The following CLRN1 variants were observed in gnomAD, a reference collection of about 807,000 sequenced individuals.
The protein encoded by CLRN1 is clarin 1.
CLRN1 carries 15 observed loss-of-function variants against 18.7 expected under a neutral mutation model. The ratio of observed to expected loss-of-function variants is 0.80; its 90% CI spans 0.54 to 1.23. The LOEUF is 1.23. CLRN1 is among the 50% of genes most tolerant of loss of function. The probability of loss-of-function intolerance (pLI) is 0.00; values close to 1 mark genes in which losing one functional copy is unlikely to be tolerated. For missense variants in CLRN1, 311 were observed against 277.5 expected, an observed-to-expected ratio of 1.12 and a Z score of -0.86; for synonymous variants, 104 against 102.9, an observed-to-expected ratio of 1.01 and a Z score of -0.07.
Position 150,941,629 on chromosome 3 carries a change from T to A in CLRN1, c.386A>T (p.Glu129Val). 6.2e-7 allele frequency: 1 copy of A among 1,614,060 alleles called. No homozygotes were observed. Among genetic ancestry groups the A allele is most frequent in the Non-Finnish European group, 8.5e-7 (1 of 1,179,958 alleles). Reference protein sequence around the residue: ...FMYNAFGKPFETLHGPLGLYL... With the variant: ...FMYNAFGKPFVTLHGPLGLYL... ...CAGCCCTAGGGGACCATGCAGAGTT[T>A]CAAAAGGTTTTCCAAAAGCATTGTA... Residue 129 changes from glutamate (E) to valine (V), a missense_variant, in exon 2 of 3, where the codon GAA (glutamate) becomes GTA (valine). Coordinates refer to ENST00000327047, the MANE Select transcript of CLRN1 (RefSeq NM_174878.3).
At chr3:150,970,045 AG>A (rs1375880098) in intron 1 of CLRN1, among the ~76,000 whole-genome samples, 3 of 152,248 alleles carry the variant, frequency 2.0e-5, no homozygotes, top group Non-Finnish European at 4.4e-5. Context: ...ACAATAAGAA[AG>A]AAGACATTCT....
At chr3:150,958,362 T>C (rs1714856493) in intron 1 of CLRN1, among the ~76,000 whole-genome samples, 1 of 152,236 alleles carries the variant, frequency 6.6e-6, no homozygotes, top group Admixed American at 6.5e-5. Flanking sequence ...AGGAGCCTTA[T>C]GACTGGTCCC....
intron 1 of CLRN1, among the ~76,000 whole-genome samples, chr3:150,968,611 C>A (rs1715375374): frequency 6.6e-6 from 1 of 152,200 alleles, no homozygotes; most frequent in Non-Finnish European, 1.5e-5. Flanking sequence ...CATTGCCAAA[C>A]TATTTTTCTG....
chr3:150,934,739 G>C (rs1335616256), intron 2 of CLRN1, among the ~76,000 whole-genome samples: 4 of 152,100 alleles, frequency 2.6e-5, no homozygotes, highest in Admixed American at 2.0e-4. Context: ...TAAAAACTAT[G>C]AATCTAATTG....
intron 2 of CLRN1, among the ~76,000 whole-genome samples, chr3:150,941,136 C>CTA (rs1713801599): frequency 1.3e-5 from 1 of 76,830 alleles, no homozygotes; most frequent in Non-Finnish European, 2.8e-5. Context: ...GTCTGTCTGT[C>CTA]TGTCTATCTA....
downstream of CLRN1, chr3:150,926,313 C>T (rs940275462): frequency 1.2e-5 from 2 of 165,060 alleles, no homozygotes; most frequent in African/African-American, 2.4e-5. Context: ...TCCAAGAAGA[C>T]AGAGAGGAAT....
rs2107927719 is a variant in CLRN1 at position 150,928,043 on chromosome 3, CA to C, written c.591del (p.Phe197LeufsTer5). 1.2e-6 allele frequency: 2 copies of C among 1,613,976 alleles called. No homozygotes were observed. The highest frequency in any genetic ancestry group is 1.7e-6 in the Non-Finnish European group (2 of 1,179,972). ...ATTAGGAGCCCATTCAGAAAATGAA[CA>C]AAAAAGCAAAAGAAAATGACCCAGA... ...TSFWVIFFCF[F>X]VHFLNGLLIR... is the part of the protein sequence containing the mutation. On this transcript the variant is annotated frameshift_variant, in exon 3 of 3. Coordinates refer to ENST00000327047, the MANE Select transcript of CLRN1 (RefSeq NM_174878.3). LOFTEE classifies it high-confidence loss of function.
chr3:150,964,699 T>C (rs1230028227), intron 1 of CLRN1, among the ~76,000 whole-genome samples: 1 of 152,224 alleles, frequency 6.6e-6, no homozygotes, highest in Non-Finnish European at 1.5e-5. Context: ...ATGTGGCACA[T>C]GTATACCATA....
chr3:150,928,116 T>C lies in CLRN1; in HGVS notation c.519A>G (p.Glu173=). 6.2e-7 allele frequency: 1 copy of C among 1,613,534 alleles called. No homozygotes were observed. Among genetic ancestry groups the C allele is most frequent in the African/African-American group, 1.3e-5 (1 of 74,954 alleles). The change falls in exon 3 of 3, where the codon GAA becomes GAG. Residue 173 remains glutamate, a synonymous_variant. Coordinates refer to ENST00000327047, the MANE Select transcript of CLRN1 (RefSeq NM_174878.3). Reference sequence around the variant, plus strand: ...TTTGCGTTTTGTAGACATAAGTCCCTTCTTTATAATTTGCAATTTTTTCTG... The same window carrying C: ...TTTGCGTTTTGTAGACATAAGTCCCCTCTTTATAATTTGCAATTTTTTCTG... The part of the protein sequence containing the change: ...HLSEKIANYK[E]GTYVYKTQSE...
Position 150,972,689 on chromosome 3 carries a change from T to A in CLRN1, c.20A>T (p.Lys7Ile), listed in dbSNP as rs3796241. The change falls in exon 1 of 3, where the codon AAA becomes ATA. Residue 7 changes from lysine to isoleucine, a missense_variant. Lys to Ile is a moderately radical substitution (Grantham distance 102). Coordinates refer to ENST00000327047, the MANE Select transcript of CLRN1 (RefSeq NM_174878.3). MPSQQK[K>I]IIFCMAGVFS... The stretch of plus-strand genomic sequence containing the variant: ...CACTCCGGCCATGCAAAAAATGATT[T>A]TCTTCTGTTGGCTTGGCATGATGAG... 248 of 1,614,172 alleles carry A rather than the reference T, an allele frequency of 1.5e-4. No individual in the cohort carries two copies. In the East Asian group the frequency reaches 4.5e-3, roughly 29 times the overall value.
chr3:150,944,025 TAC>T, intron 1 of CLRN1: 1 of 976,424 alleles, frequency 1.0e-6, no homozygotes. Flanking sequence ...CAGATAGTGA[TAC>T]ATATGATGGA....
At chr3:150,931,201 C>T (rs1320722556) in intron 2 of CLRN1, among the ~76,000 whole-genome samples, 1 of 152,156 alleles carries the variant, frequency 6.6e-6, no homozygotes, top group Admixed American at 6.5e-5. Context: ...ACTTATGGAC[C>T]AAAAGATATG....
intron 1 of CLRN1, among the ~76,000 whole-genome samples, chr3:150,943,051 A>T (rs558869112): frequency 6.6e-5 from 10 of 152,306 alleles, no homozygotes; most frequent in Non-Finnish European, 1.2e-4. Context: ...GTTGCTATGT[A>T]ACTGCAACAG....
intron 2 of CLRN1, among the ~76,000 whole-genome samples, chr3:150,935,405 T>TG (rs1479666453): frequency 6.6e-6 from 1 of 151,546 alleles, no homozygotes; most frequent in African/African-American, 2.4e-5. Flanking sequence ...TTTGGTTTTT[T>TG]GTCCTTGCGA....
chr3:150,933,304 T>C (rs994414142), intron 2 of CLRN1, among the ~76,000 whole-genome samples: 1 of 152,192 alleles, frequency 6.6e-6, no homozygotes, highest in East Asian at 1.9e-4. Context: ...AATAACTTGA[T>C]AAGTACATTC....
chr3:150,934,033 C>T (rs1713314484), intron 2 of CLRN1, among the ~76,000 whole-genome samples: 1 of 152,136 alleles, frequency 6.6e-6, no homozygotes, highest in Non-Finnish European at 1.5e-5. Context: ...GATGACTGGA[C>T]ATCCCTGTGT....
chr3:150,933,562 A>G (rs1420441295), intron 2 of CLRN1, among the ~76,000 whole-genome samples: 2 of 152,072 alleles, frequency 1.3e-5, no homozygotes, highest in African/African-American at 4.8e-5. Context: ...GGATAGAAAG[A>G]GGTGAGCTGT....
rs1553772541 is a variant in CLRN1, at chr3:150,941,178, C to CATATACAT, written c.433+403_433+404insATGTATAT. On this transcript the variant is annotated intron_variant, in intron 2 of 2. Transcript: ENST00000327047. ...TATCTATCTATCTATCTATCTCTTT[C>CATATACAT]ATATATATATATATATAGCCCCCAT... Among the ~76,000 whole-genome samples, 88 of 132,886 alleles carry CATATACAT rather than the reference C, an allele frequency of 6.6e-4. 3 individuals are homozygous for CATATACAT. The South Asian group carries it at 0.021, about 32-fold the overall frequency. The allele number at this position is 132,886 out of a possible 152,430, so 87.2% of individuals were successfully genotyped here. A position where few individuals can be genotyped will look rare whatever the true frequency, so the allele number is the denominator to read the frequency against.
rs1379533194 is a variant in CLRN1 at position 150,928,288 on chromosome 3, C to G, written c.434-87G>C. ...GGGTCAATGTGTAAACCAAGGAATTCTCTTACCATCATCCCCATTGACATT... is the reference window on the plus strand; with the variant it reads ...GGGTCAATGTGTAAACCAAGGAATTGTCTTACCATCATCCCCATTGACATT... On this transcript the variant is annotated intron_variant, in intron 2 of 2. Transcript: ENST00000327047. 11 of 1,483,488 alleles carry G rather than the reference C, an allele frequency of 7.4e-6. No homozygotes were observed. In the East Asian group the frequency reaches 2.1e-4, roughly 28 times the overall value. The allele number at this position is 1,483,488 out of a possible 1,614,324, so 91.9% of individuals were successfully genotyped here. A position where few individuals can be genotyped will look rare whatever the true frequency, so the allele number is the denominator to read the frequency against.
Sources: allele counts gnomAD v4.1 joint callset (sites outside exome capture counted in the v4.1 genomes callset), GRCh38; gene constraint gnomAD v4.1.1; transcripts MANE v1.5; gene names NCBI Gene and HGNC (gene_info 2026-07-23, HGNC 2026-07-21).